IL22RA2: variants seen among roughly 807,000 people sequenced by gnomAD.
The protein encoded by IL22RA2 is interleukin 22 receptor subunit alpha 2, also known as interleukin-22 receptor subunit alpha-2.
Under a neutral mutation model 30.7 loss-of-function variants are expected in IL22RA2, and 39 were observed. That is an observed-to-expected ratio of 1.27 (90% CI 0.98 to 1.66). The LOEUF (loss-of-function observed/expected upper bound fraction) is 1.66, where lower values mean the gene tolerates loss of function less well. IL22RA2 is among the 40% of genes most tolerant of loss of function. IL22RA2 has a pLI of 0.00. For missense variants in IL22RA2, 315 were observed against 312.7 expected (o/e 1.01, Z -0.05); for synonymous variants, 103 against 105.0 (o/e 0.98, Z 0.11).
chr6:137,168,997 C>T (rs1778680398), intron 1 of IL22RA2, among the ~76,000 whole-genome samples: 1 of 152,178 alleles, frequency 6.6e-6, no homozygotes, highest in African/African-American at 2.4e-5. Flanking sequence ...GGAGTTACTT[C>T]CTGTTATGTA....
intron 5 of IL22RA2, among the ~76,000 whole-genome samples, chr6:137,150,950 C>T (rs1023993430): frequency 1.6e-4 from 24 of 152,204 alleles, no homozygotes; most frequent in African/African-American, 5.5e-4. Context: ...CTCACTGGAC[C>T]TTGCACCAGT....
rs867760883 is a variant in IL22RA2 at position 137,147,874 on chromosome 6, C to T, written c.490G>A (p.Val164Ile). ...CCATTGACTTGGGTTATATTCATGA[C>T]TGGAGGATCTATTTTTGCTGAAGAA... ...PWWETKIDPP[V>I]MNITQVNGSL... The change falls in exon 6 of 7, where the codon GTC becomes ATC. Residue 164 changes from valine to isoleucine, a missense_variant. Val to Ile is a conservative substitution (Grantham distance 29, BLOSUM62 3). Coordinates refer to ENST00000296980, the MANE Select transcript of IL22RA2 (RefSeq NM_052962.3). 13 of 1,609,630 alleles carry T rather than the reference C, an allele frequency of 8.1e-6. No homozygotes were observed. Among genetic ancestry groups the T allele is most frequent in the Non-Finnish European group, 9.3e-6 (11 of 1,178,660 alleles).
At chr6:137,165,052 G>A (rs563654286) in intron 1 of IL22RA2, among the ~76,000 whole-genome samples, 1 of 152,274 alleles carries the variant, frequency 6.6e-6, no homozygotes, top group African/African-American at 2.4e-5. Flanking sequence ...GCATCTTCAA[G>A]CACAGGAGAT....
At position 137,147,911 on chromosome 6, in the gene IL22RA2, A is replaced by C; in HGVS notation, c.473-20T>G. ...TTTTTGCTGAAGAAAAAACATAAAA[A>C]TTTGACAAATCATCAAAGGAATGTA... On this transcript the variant is annotated intron_variant, in intron 5 of 6. Coordinates refer to ENST00000296980, the MANE Select transcript of IL22RA2 (RefSeq NM_052962.3). 6.3e-7 allele frequency: 1 copy of C among 1,592,448 alleles called. No individual in the cohort carries two copies. The highest frequency in any genetic ancestry group is 8.6e-7 in the Non-Finnish European group (1 of 1,164,648).
chr6:137,173,347 T>C (rs2114407878), intron 1 of IL22RA2, 66 bp downstream of exon 1: 1 of 152,348 alleles, frequency 6.6e-6, no homozygotes, highest in South Asian at 2.1e-4. Flanking sequence ...CGCTCCAGTC[T>C]GGGCAGCGAT....
rs1053987389 is a variant in IL22RA2, at chr6:137,145,432, G to C, written c.*192C>G. 1.3e-5 allele frequency: 6 copies of C among 478,286 alleles called. No homozygotes were observed. The highest frequency in any genetic ancestry group is 2.1e-5 in the Non-Finnish European group (6 of 279,962). The allele number at this position is 478,286 out of a possible 1,614,324, so 29.6% of individuals were successfully genotyped here. On this transcript the variant is annotated 3_prime_UTR_variant, in exon 7 of 7. Transcript: ENST00000296980. Reference sequence around the variant, plus strand: ...ATTTCAATTTTTCGGGGGGAATGTCGTTCAAATATAGTTTACAAATGAAAT... The same window carrying C: ...ATTTCAATTTTTCGGGGGGAATGTCCTTCAAATATAGTTTACAAATGAAAT...
Position 137,155,019 on chromosome 6 carries a change from A to G in IL22RA2, c.394T>C (p.Tyr132His), listed in dbSNP as rs765497232. The change falls in exon 5 of 7, where the codon TAC (tyrosine) becomes CAC (histidine). Residue 132 changes from tyrosine to histidine, a missense_variant. Tyr to His is a moderately conservative substitution (Grantham distance 83). Transcript: ENST00000296980. ...SETSDIQEPY[Y>H]GRVRAASAGS... ...GCCGAGGCCGCCCTCACCCTCCCGTAATAAGGTTCCTGTATGTCTGAGGTT... is the reference window on the plus strand; with the variant it reads ...GCCGAGGCCGCCCTCACCCTCCCGTGATAAGGTTCCTGTATGTCTGAGGTT... 1.2e-6 allele frequency: 2 copies of G among 1,614,042 alleles called. No homozygotes were observed. Among genetic ancestry groups the G allele is most frequent in the South Asian group, 1.1e-5 (1 of 91,080 alleles).
In IL22RA2 at chr6:137,158,448, C is replaced by T. The variant is rs776124172; in HGVS notation, c.96G>A (p.Gln32=). The part of the protein sequence containing the change: ...TQSTHESLKP[Q]RVQFQSRNFH... ...AATTTCGGGACTGAAATTGTACCCTCTGAGGCTTCAGAGACTCATGCGTTG... is the reference window on the plus strand; with the variant it reads ...AATTTCGGGACTGAAATTGTACCCTTTGAGGCTTCAGAGACTCATGCGTTG... Residue 32 remains glutamine, a synonymous_variant, in exon 3 of 7, where the codon CAG becomes CAA. Coordinates refer to ENST00000296980, the MANE Select transcript of IL22RA2 (RefSeq NM_052962.3). The T allele has an allele frequency of 1.2e-6, 2 of 1,614,132 alleles. No homozygotes were observed. Among genetic ancestry groups the T allele is most frequent in the Non-Finnish European group, 1.7e-6 (2 of 1,179,988 alleles).
Position 137,156,625 on chromosome 6 carries a change from G to A in IL22RA2, c.293+134C>T, listed in dbSNP as rs1235043135. 2.5e-6 allele frequency: 3 copies of A among 1,188,420 alleles called. No individual in the cohort carries two copies. In the African/African-American group the frequency reaches 4.6e-5, roughly 18 times the overall value. 73.6% of individuals were successfully genotyped at this position (1,188,420 alleles called of 1,614,324 possible). On this transcript the variant is annotated intron_variant, in intron 4 of 6. Transcript: ENST00000296980. ...TTTCAAAATTATAAATTTGTCTTGT[G>A]CTGTTGAAAATCCCTTAGAGACAGG...
At chr6:137,169,771 G>C (rs1196708330) in intron 1 of IL22RA2, among the ~76,000 whole-genome samples, 2 of 152,204 alleles carry the variant, frequency 1.3e-5, no homozygotes, top group African/African-American at 4.8e-5. Flanking sequence ...ACCCAGATGA[G>C]AGATGCCATT....
chr6:137,147,201 A>T lies in IL22RA2; in HGVS notation c.642+521T>A, dbSNP rs150508572. Reference sequence around the variant, plus strand: ...CTTGCCTCTACAAAAAAAAAAAAAAAAAAAAAAAAAAAAAAGCTGGATGTG... The same window carrying T: ...CTTGCCTCTACAAAAAAAAAAAAAATAAAAAAAAAAAAAAAGCTGGATGTG... On this transcript the variant is annotated intron_variant, in intron 6 of 6. Transcript: ENST00000296980. 6.0e-4 allele frequency among the ~76,000 whole-genome samples: 88 copies of T among 146,876 alleles called. 1 individual carries two copies. Among genetic ancestry groups the T allele is most frequent in the African/African-American group, 8.9e-4 (36 of 40,302 alleles).
chr6:137,145,992 T>G (rs982007783), intron 6 of IL22RA2, among the ~76,000 whole-genome samples: 3 of 152,196 alleles, frequency 2.0e-5, no homozygotes, highest in Admixed American at 6.5e-5. Flanking sequence ...CCTTGAGGGC[T>G]GTTGGCTGGT....
rs1266158242 is a variant in IL22RA2, at chr6:137,145,782, G to A, written c.643-9C>T. The A allele has an allele frequency of 9.9e-6, 16 of 1,613,244 alleles. 1 individual carries two copies. Among genetic ancestry groups the A allele is most frequent in the South Asian group, 5.5e-5 (5 of 90,848 alleles). On this transcript the variant is annotated splice_polypyrimidine_tract_variant and intron_variant, in intron 6 of 6. Transcript: ENST00000296980. Reference sequence around the variant, plus strand: ...TCATAAACCTTTTGCTCCTACACACGAGAGAGAAAATAATCAGTTGGTAAA... The same window carrying A: ...TCATAAACCTTTTGCTCCTACACACAAGAGAGAAAATAATCAGTTGGTAAA...
rs1034038868 is a variant in IL22RA2, at chr6:137,144,710, T to C, written c.*914A>G. The C allele has an allele frequency of 6.6e-6, 1 of 152,166 alleles. No individual in the cohort carries two copies. The highest frequency in any genetic ancestry group is 2.4e-5 in the African/African-American group (1 of 41,428). 9.4% of individuals were successfully genotyped at this position (152,166 alleles called of 1,614,324 possible). ...TGGGGTCGACCCCAGCAGTTCCCAA[T>C]AAACCATCATTCATGGGATCCTCCT... On this transcript the variant is annotated 3_prime_UTR_variant, in exon 7 of 7. Transcript: ENST00000296980.
At chr6:137,170,579 C>G (rs992099287) in intron 1 of IL22RA2, among the ~76,000 whole-genome samples, 2 of 152,096 alleles carry the variant, frequency 1.3e-5, no homozygotes, top group Non-Finnish European at 2.9e-5. Context: ...TAACTCGATT[C>G]CCGCCTCACG....
intron 4 of IL22RA2, among the ~76,000 whole-genome samples, chr6:137,155,987 C>G (rs1778397969): frequency 6.6e-6 from 1 of 152,154 alleles, no homozygotes; most frequent in Admixed American, 6.5e-5. Flanking sequence ...GTTGCTACCA[C>G]TTTTCATCTC....
At chr6:137,162,773 G>C (rs73560037) in intron 1 of IL22RA2, among the ~76,000 whole-genome samples, 276 of 152,280 alleles carry the variant, frequency 1.8e-3, no homozygotes, top group African/African-American at 6.5e-3. Context: ...GACATATCCA[G>C]TTTCTCAGAA....
intron 3 of IL22RA2, 95 bp downstream of exon 3, chr6:137,158,252 C>G: frequency 1.4e-6 from 2 of 1,475,714 alleles, no homozygotes; most frequent in Non-Finnish European, 1.9e-6. Context: ...CCCTCTGAAA[C>G]TGAAAAAAAG....
intron 2 of IL22RA2, among the ~76,000 whole-genome samples, chr6:137,158,826 A>C (rs1017181416): frequency 6.6e-6 from 1 of 152,180 alleles, no homozygotes; most frequent in Non-Finnish European, 1.5e-5. Context: ...AAAGACCCAC[A>C]CTAAGACCAC....
Sources: allele counts gnomAD v4.1 joint callset (sites outside exome capture counted in the v4.1 genomes callset), GRCh38; gene constraint gnomAD v4.1.1; transcripts MANE v1.5; gene names NCBI Gene and HGNC (gene_info 2026-07-23, HGNC 2026-07-21).